IL12RB2: variants seen among roughly 807,000 people sequenced by gnomAD.
IL12RB2 encodes interleukin-12 receptor subunit beta-2.
A neutral mutation model predicts 89.4 loss-of-function variants in IL12RB2; 82 were observed. The observed-to-expected ratio is 0.92, with a 90% CI of 0.77 to 1.10. The LOEUF (loss-of-function observed/expected upper bound fraction) is 1.10. Among genes scored for constraint, IL12RB2 ranks in the 50% least tolerant of loss-of-function variants. IL12RB2 has a pLI of 0.00. For synonymous variants in IL12RB2, 368 were observed against 370.1 expected (o/e 0.99, Z 0.07); for missense variants, 963 against 1,031.9 (o/e 0.93, Z 0.92).
At chr1:67,350,124 G>A (rs1465281795) in intron 9 of IL12RB2, among the ~76,000 whole-genome samples, 2 of 152,228 alleles carry the variant, frequency 1.3e-5, no homozygotes, top group East Asian at 3.8e-4. Context: ...CACCTTGCAT[G>A]AGGCATGGAT....
chr1:67,388,098 A>C (rs1018304638), intron 15 of IL12RB2, among the ~76,000 whole-genome samples: 3 of 152,014 alleles, frequency 2.0e-5, no homozygotes, highest in Non-Finnish European at 2.9e-5. Flanking sequence ...AATCACCTGA[A>C]CAGGAGGCAG....
intron 16 of IL12RB2, among the ~76,000 whole-genome samples, chr1:67,395,205 T>G (rs1570249211): frequency 6.6e-6 from 1 of 150,784 alleles, no homozygotes; most frequent in Non-Finnish European, 1.5e-5. Context: ...GAGGCGGAGG[T>G]TACAGGGAGC....
chr1:67,343,717 C>CAT (rs1346634579), intron 9 of IL12RB2, among the ~76,000 whole-genome samples: 9 of 152,208 alleles, frequency 5.9e-5, no homozygotes, highest in South Asian at 2.1e-4. Flanking sequence ...AACCACCTTT[C>CAT]ATATATATAT....
chr1:67,320,333 G>A lies in IL12RB2; in HGVS notation c.-36G>A. ...GAATGAATTTGTCTTCTTTTGCAAG[G>A]AAGAATACGGAGTTCTATACCAGAG... On this transcript the variant is annotated splice_region_variant and 5_prime_UTR_variant, in exon 3 of 17. Coordinates refer to ENST00000674203, the MANE Select transcript of IL12RB2 (RefSeq NM_001374259.2). 2 of 1,613,706 alleles carry A rather than the reference G, an allele frequency of 1.2e-6. No homozygotes were observed. The highest frequency in any genetic ancestry group is 2.7e-5 in the African/African-American group (2 of 75,010).
In IL12RB2 at chr1:67,396,721, C is replaced by G. The variant is rs1666391955; in HGVS notation, c.*632C>G. The stretch of plus-strand genomic sequence containing the variant: ...TAGATGGCTCCTAGATTATTGAGAG[C>G]CTTCAAAACAAATCAACCTAGTTCT... On this transcript the variant is annotated 3_prime_UTR_variant, in exon 17 of 17. Coordinates refer to ENST00000674203, the MANE Select transcript of IL12RB2 (RefSeq NM_001374259.2). The G allele has an allele frequency of 6.5e-6, 1 of 153,286 alleles. No homozygotes were observed. The highest frequency in any genetic ancestry group is 2.4e-5 in the African/African-American group (1 of 41,418). 9.5% of individuals were successfully genotyped at this position (153,286 alleles called of 1,614,324 possible).
At chr1:67,357,015 G>C (rs1399147702) in intron 10 of IL12RB2, among the ~76,000 whole-genome samples, 3 of 152,194 alleles carry the variant, frequency 2.0e-5, no homozygotes, top group African/African-American at 7.2e-5. Context: ...GGAATGTTTA[G>C]GGGATTTTTA....
chr1:67,387,812 A>C (rs1557477773), intron 15 of IL12RB2, among the ~76,000 whole-genome samples: 1 of 152,200 alleles, frequency 6.6e-6, no homozygotes, highest in African/African-American at 2.4e-5. Context: ...AAAATAGTGC[A>C]TACACACAGA....
chr1:67,321,540 C>G (rs1174647270), intron 3 of IL12RB2, 62 bp from the exon 4 acceptor site: 2 of 1,076,988 alleles, frequency 1.9e-6, no homozygotes, highest in Non-Finnish European at 1.4e-6. Context: ...ATTACATAAA[C>G]TCTTCATTTT....
At chr1:67,330,636 C>G (rs777280208) in intron 7 of IL12RB2, 24 bp from the exon 8 acceptor site, 2 of 1,272,964 alleles carry the variant, frequency 1.6e-6, no homozygotes, top group South Asian at 1.2e-5. Context: ...TTAATAGGCA[C>G]TTTAAAAAAA....
chr1:67,358,473 G>A (rs1265536733), intron 10 of IL12RB2, among the ~76,000 whole-genome samples: 3 of 152,164 alleles, frequency 2.0e-5, no homozygotes, highest in Admixed American at 6.5e-5. Flanking sequence ...CTACTTTGGA[G>A]GCTGAGGCAG....
At chr1:67,390,338 A>T (rs2270614) in intron 16 of IL12RB2, among the ~76,000 whole-genome samples, 1 of 151,906 alleles carries the variant, frequency 6.6e-6, no homozygotes, top group East Asian at 1.9e-4. Flanking sequence ...GTTTATGATC[A>T]TAAGACTAAA....
Position 67,338,612 on chromosome 1 carries a change from C to G in IL12RB2, c.959-12C>G. ...TATATGAAAATATGTCTTTTTTTCTCCTTTGAAACAGAGCCTACTGGGATG... is the reference window on the plus strand; with the variant it reads ...TATATGAAAATATGTCTTTTTTTCTGCTTTGAAACAGAGCCTACTGGGATG... On this transcript the variant is annotated splice_polypyrimidine_tract_variant and intron_variant, in intron 8 of 16. Coordinates refer to ENST00000674203, the MANE Select transcript of IL12RB2 (RefSeq NM_001374259.2). 1 of 1,328,496 alleles carries G rather than the reference C, an allele frequency of 7.5e-7. No individual in the cohort carries two copies. The highest frequency in any genetic ancestry group is 1.4e-5 in the African/African-American group (1 of 69,506). The allele number at this position is 1,328,496 out of a possible 1,614,324, so 82.3% of individuals were successfully genotyped here. A position where few individuals can be genotyped will look rare whatever the true frequency, so the allele number is the denominator to read the frequency against.
chr1:67,367,151 G>A (rs930267850), intron 10 of IL12RB2, among the ~76,000 whole-genome samples: 1 of 152,108 alleles, frequency 6.6e-6, no homozygotes, highest in South Asian at 2.1e-4. Context: ...CAAGCCCTTT[G>A]AGAGGCCGAG....
At position 67,398,250 on chromosome 1, in the gene IL12RB2, A is replaced by G. The variant is rs1209522355; in HGVS notation, c.*2161A>G. Among the ~76,000 whole-genome samples, 1 of 152,132 alleles carries G rather than the reference A, an allele frequency of 6.6e-6. No individual in the cohort carries two copies. Among genetic ancestry groups the G allele is most frequent in the Non-Finnish European group, 1.5e-5 (1 of 68,016 alleles). ...TTGACTGGCACAAACCATGACAGAC[A>G]AGGCCACCTCCTCAGAAGCGGAACA... On this transcript the variant is annotated 3_prime_UTR_variant, in exon 17 of 17. Coordinates refer to ENST00000674203, the MANE Select transcript of IL12RB2 (RefSeq NM_001374259.2).
In IL12RB2 at chr1:67,338,639, T is replaced by A. The variant is rs1659156598; in HGVS notation, c.974T>A (p.Leu325Ter). ...TTTGAAACAGAGCCTACTGGGATGTTAGATGTCTGGTACATGAAACGGCAC... is the reference window on the plus strand; with the variant it reads ...TTTGAAACAGAGCCTACTGGGATGTAAGATGTCTGGTACATGAAACGGCAC... Reference protein sequence around the residue: ...QTPEEEPTGMLDVWYMKRHID... With the variant: ...QTPEEEPTGM Residue 325 changes from leucine to a stop codon, truncating the protein, a stop_gained, in exon 9 of 17, where the codon TTA (leucine) becomes TAA (stop). Transcript: ENST00000674203. LOFTEE classifies it high-confidence loss of function. 1 of 1,507,886 alleles carries A rather than the reference T, an allele frequency of 6.6e-7. No homozygotes were observed. The highest frequency in any genetic ancestry group is 1.1e-5 in the South Asian group (1 of 89,098). The allele number at this position is 1,507,886 out of a possible 1,614,324, so 93.4% of individuals were successfully genotyped here. A position where few individuals can be genotyped will look rare whatever the true frequency, so the allele number is the denominator to read the frequency against.
intron 2 of IL12RB2, among the ~76,000 whole-genome samples, chr1:67,318,173 T>G (rs1214959867): frequency 6.6e-6 from 1 of 152,208 alleles, no homozygotes; most frequent in Non-Finnish European, 1.5e-5. Flanking sequence ...AGGAACAGTC[T>G]GAAGGCCAGT....
Position 67,321,713 on chromosome 1 carries a change from C to A in IL12RB2, c.188C>A (p.Ser63Tyr). Reference sequence around the variant, plus strand: ...CCCAGACAAGGCTGCTTTCACTATTCCAGACGTAACAAGTTAATCCTGTAC... The same window carrying A: ...CCCAGACAAGGCTGCTTTCACTATTACAGACGTAACAAGTTAATCCTGTAC... ...LKPRQGCFHY[S>Y]RRNKLILYKF... Residue 63 changes from serine (S) to tyrosine (Y), a missense_variant, in exon 4 of 17, where the codon TCC (serine) becomes TAC (tyrosine). Coordinates refer to ENST00000674203, the MANE Select transcript of IL12RB2 (RefSeq NM_001374259.2). The A allele has an allele frequency of 6.2e-7, 1 of 1,610,868 alleles. No homozygotes were observed. Among genetic ancestry groups the A allele is most frequent in the Non-Finnish European group, 8.5e-7 (1 of 1,177,080 alleles).
intron 8 of IL12RB2, among the ~76,000 whole-genome samples, chr1:67,336,322 T>C (rs1027300189): frequency 2.0e-5 from 3 of 152,192 alleles, no homozygotes; most frequent in Non-Finnish European, 4.4e-5. Context: ...CCTTGCGTTG[T>C]GTGAGGGTTA....
intron 14 of IL12RB2, among the ~76,000 whole-genome samples, chr1:67,381,426 G>C (rs1214119876): frequency 6.6e-6 from 1 of 152,108 alleles, no homozygotes; most frequent in African/African-American, 2.4e-5. Context: ...CTCTCCACTG[G>C]GAAATTGACA....
Sources: gnomAD v4.1 joint callset for allele counts (sites outside exome capture counted in the v4.1 genomes callset) on GRCh38, gnomAD v4.1.1 for gene constraint, MANE v1.5 for transcripts, NCBI Gene and HGNC (gene_info 2026-07-23, HGNC 2026-07-21) for gene names.